Variants in GIGYF2 observed in about 807,000 individuals in gnomAD.
The protein encoded by GIGYF2 is GRB10 interacting GYF protein 2.
In GIGYF2, 25 loss-of-function variants were observed where a neutral mutation model predicts 208.1. The ratio of observed to expected loss-of-function variants is 0.12; its 90% CI spans 0.09 to 0.17. The LOEUF (loss-of-function observed/expected upper bound fraction) is 0.17, where lower values mean the gene tolerates loss of function less well. Among genes scored for constraint, GIGYF2 ranks in the 10% least tolerant of loss-of-function variants. The probability of loss-of-function intolerance (pLI) is 1.00; values close to 1 mark genes in which losing one functional copy is unlikely to be tolerated. For synonymous variants in GIGYF2, 534 were observed against 543.8 expected (o/e 0.98, Z 0.25); for missense variants, 1,302 against 1,579.4 (o/e 0.82, Z 2.98).
chr2:232,766,650 T>A (rs940538538), intron 8 of GIGYF2: 1 of 152,344 alleles, frequency 6.6e-6, no homozygotes, highest in African/African-American at 2.4e-5. Flanking sequence ...TAATTAAGTT[T>A]CTGTGTTCTT....
At chr2:232,725,524 A>G (rs1697157703) in intron 2 of GIGYF2, among the ~76,000 whole-genome samples, 1 of 152,234 alleles carries the variant, frequency 6.6e-6, no homozygotes, top group South Asian at 2.1e-4. Context: ...AATTGGGCCA[A>G]AGAATCTATG....
chr2:232,768,487 A>G lies in GIGYF2; in HGVS notation c.532+7051A>G. 1.9e-6 allele frequency: 3 copies of G among 1,614,196 alleles called. 1 individual carries two copies. The highest frequency in any genetic ancestry group is 1.7e-6 in the Non-Finnish European group (2 of 1,180,018). On this transcript the variant is annotated intron_variant, in intron 8 of 28. Coordinates refer to ENST00000373563, the MANE Select transcript of GIGYF2 (RefSeq NM_001103146.3). ...AGGAATACAACTAATTCAAAGTGAG[A>G]AGGATTTTCATGCTGGAGCAGAGTA...
Position 232,703,493 on chromosome 2 carries a change from A to G in GIGYF2, c.-44+4A>G, listed in dbSNP as rs746723892. 2.6e-4 allele frequency: 39 copies of G among 152,650 alleles called. No individual in the cohort carries two copies. The highest frequency in any genetic ancestry group is 2.2e-3 in the Admixed American group (33 of 15,282). 9.5% of individuals were successfully genotyped at this position (152,650 alleles called of 1,614,324 possible). A position where few individuals can be genotyped will look rare whatever the true frequency, so the allele number is the denominator to read the frequency against. ...AACCAGCAGAATTTTTGAACAGGTA[A>G]GTGTGGAAGGGAAGCACAAAGCCTG... On this transcript the variant is annotated splice_donor_region_variant and intron_variant, in intron 2 of 28. Transcript: ENST00000373563.
chr2:232,706,390 T>A (rs947595427), intron 2 of GIGYF2, among the ~76,000 whole-genome samples: 3 of 152,230 alleles, frequency 2.0e-5, no homozygotes, highest in Admixed American at 1.3e-4. Context: ...ACATCCGTAA[T>A]CCCAGCATGT....
At chr2:232,768,512 A>C in intron 8 of GIGYF2, 4 of 1,614,166 alleles carry the variant, frequency 2.5e-6, no homozygotes, top group Non-Finnish European at 3.4e-6. Context: ...GGAGCAGAGT[A>C]GCCAGAGGAC....
intron 8 of GIGYF2, among the ~76,000 whole-genome samples, chr2:232,784,006 T>C (rs1029204821): frequency 1.3e-5 from 2 of 152,152 alleles, no homozygotes; most frequent in African/African-American, 4.8e-5. Flanking sequence ...AGTTTTTTAC[T>C]TGTAGTATCA....
At position 232,811,222 on chromosome 2, in the gene GIGYF2, CTTT is replaced by C. The variant is rs3217560; in HGVS notation, c.1899-14_1899-12del. On this transcript the variant is annotated intron_variant, in intron 16 of 28. Transcript: ENST00000373563. ...ACTAAGTGTGGATTGACAGGTTATACTTTTTTTTTTACTTTTTGAAGACAACAA... is the reference window on the plus strand; with the variant it reads ...ACTAAGTGTGGATTGACAGGTTATACTTTTTTTACTTTTTGAAGACAACAA... 8.3e-7 allele frequency: 1 copy of C among 1,202,582 alleles called. No individual in the cohort carries two copies. The allele number at this position is 1,202,582 out of a possible 1,614,324, so 74.5% of individuals were successfully genotyped here. A position where few individuals can be genotyped will look rare whatever the true frequency, so the allele number is the denominator to read the frequency against.
intron 12 of GIGYF2, among the ~76,000 whole-genome samples, chr2:232,792,694 G>A (rs1700106325): frequency 6.6e-6 from 1 of 152,176 alleles, no homozygotes; most frequent in Non-Finnish European, 1.5e-5. Context: ...AGCTCAGCAA[G>A]TATTTGAATC....
rs1700579960 is a variant in GIGYF2, at chr2:232,806,965, C to T, written c.1806+308C>T. ...TCTTATCCTGGCCTACCTACGAGGT[C>T]CTGCAATGCCTGGCACCTTACCTTT... is the stretch of plus-strand genomic sequence containing the variant. On this transcript the variant is annotated intron_variant, in intron 15 of 28. Transcript: ENST00000373563. This position sits in a 1 kb window ranked among gnomAD's most constrained non-coding sequence, Gnocchi z 4.0. Among the ~76,000 whole-genome samples the T allele has an allele frequency of 6.6e-6, 1 of 152,180 alleles. No individual in the cohort carries two copies. Among genetic ancestry groups the T allele is most frequent in the Non-Finnish European group, 1.5e-5 (1 of 68,034 alleles).
rs1304473626 is a variant in GIGYF2, at chr2:232,857,048, C to CT, written c.*189dup. ...TTAATCCATTTTTGTTGGTGAACAT[C>CT]TCAGACTATAGATAAGTGGACTGGA... On this transcript the variant is annotated 3_prime_UTR_variant, in exon 29 of 29. Transcript: ENST00000373563. 1 of 644,420 alleles carries CT rather than the reference C, an allele frequency of 1.6e-6. No individual in the cohort carries two copies. The highest frequency in any genetic ancestry group is 2.8e-5 in the East Asian group (1 of 35,866). The allele number at this position is 644,420 out of a possible 1,614,324, so 39.9% of individuals were successfully genotyped here. A position where few individuals can be genotyped will look rare whatever the true frequency, so the allele number is the denominator to read the frequency against.
At chr2:232,698,050 A>G (rs554542375) in intron 1 of GIGYF2, among the ~76,000 whole-genome samples, 19 of 152,300 alleles carry the variant, frequency 1.2e-4, no homozygotes, top group Admixed American at 3.3e-4. Flanking sequence ...TGGGGACCCA[A>G]ATGTTCACAT....
intron 2 of GIGYF2, among the ~76,000 whole-genome samples, chr2:232,709,813 G>GA (rs1046202569): frequency 2.0e-5 from 3 of 151,300 alleles, no homozygotes; most frequent in Admixed American, 6.6e-5. Context: ...TGTCTTGGAG[G>GA]AAAAAAAATT....
At chr2:232,742,973 A>G (rs1210331363) in intron 3 of GIGYF2, among the ~76,000 whole-genome samples, 3 of 152,196 alleles carry the variant, frequency 2.0e-5, no homozygotes, top group African/African-American at 7.2e-5. Flanking sequence ...TCACAAGCTT[A>G]CATAGAAGTG....
chr2:232,856,660 C>A, intron 28 of GIGYF2, 133 bp from the exon 29 acceptor site: 1 of 754,776 alleles, frequency 1.3e-6, no homozygotes. Context: ...CCACTGCACT[C>A]CAGCCTGGGT....
In GIGYF2 at chr2:232,845,681, A is replaced by G. The variant is rs377408576; in HGVS notation, c.3306-51A>G. The G allele has an allele frequency of 4.7e-5, 66 of 1,409,974 alleles. No individual in the cohort carries two copies. The African/African-American group carries it at 8.6e-4, about 18-fold the overall frequency. The allele number at this position is 1,409,974 out of a possible 1,614,324, so 87.3% of individuals were successfully genotyped here. On this transcript the variant is annotated intron_variant, in intron 25 of 28. Transcript: ENST00000373563. Reference sequence around the variant, plus strand: ...TTATTTATGGTGTTGTACTATAATCATATAGTAACAGTTTCTGGGAATATA... The same window carrying G: ...TTATTTATGGTGTTGTACTATAATCGTATAGTAACAGTTTCTGGGAATATA...
chr2:232,753,874 A>G lies in GIGYF2; in HGVS notation c.268-2349A>G, dbSNP rs887135650. 2.6e-5 allele frequency among the ~76,000 whole-genome samples: 4 copies of G among 152,028 alleles called. No individual in the cohort carries two copies. The South Asian group carries it at 6.2e-4, about 24-fold the overall frequency. ...GTTATCACATGATTCTGCCTAAGAA[A>G]TAGATTTGTGGCCCGGCACAGTGGC... On this transcript the variant is annotated intron_variant, in intron 5 of 28. Transcript: ENST00000373563.
At position 232,858,896 on chromosome 2, in the gene GIGYF2, A is replaced by C; in HGVS notation, c.*2036A>C. ...CAGCTCCTGCCCTCATACCGCAGAC[A>C]CACCCACTCTGAACACACCCCTCCA... is the stretch of plus-strand genomic sequence containing the variant. On this transcript the variant is annotated 3_prime_UTR_variant, in exon 29 of 29. Transcript: ENST00000373563. 1 of 231,846 alleles carries C rather than the reference A, an allele frequency of 4.3e-6. No individual in the cohort carries two copies. Among genetic ancestry groups the C allele is most frequent in the Non-Finnish European group, 8.6e-6 (1 of 116,726 alleles). The allele number at this position is 231,846 out of a possible 1,614,324, so 14.4% of individuals were successfully genotyped here.
intron 12 of GIGYF2, 38 bp from the exon 13 acceptor site, chr2:232,794,708 CTG>C (rs753129007): frequency 2.7e-6 from 4 of 1,493,252 alleles, no homozygotes; most frequent in African/African-American, 2.8e-5. Context: ...ACAGAAGTCT[CTG>C]TATTTCAAAG....
chr2:232,710,248 C>G (rs192629636), intron 2 of GIGYF2, among the ~76,000 whole-genome samples: 3 of 152,052 alleles, frequency 2.0e-5, no homozygotes, highest in African/African-American at 7.2e-5. Context: ...TGTGAGCCAC[C>G]GCGCCTGGCC....
Sources: gnomAD v4.1 joint callset for allele counts (sites outside exome capture counted in the v4.1 genomes callset) on GRCh38, gnomAD v4.1.1 for gene constraint, Gnocchi (gnomAD v3.1) non-coding constraint, MANE v1.5 for transcripts, NCBI Gene and HGNC (gene_info 2026-07-23, HGNC 2026-07-21) for gene names.